Variants in ANKIB1 observed in about 807,000 individuals in gnomAD.
ANKIB1 encodes the protein ankyrin repeat and IBR domain-containing protein 1.
A neutral mutation model predicts 122.1 loss-of-function variants in ANKIB1; 43 were observed. The observed-to-expected ratio is 0.35, with a 90% CI of 0.28 to 0.45. The LOEUF (loss-of-function observed/expected upper bound fraction) is 0.45. Ranked by LOEUF, ANKIB1 falls within the 20% of genes least tolerant of loss-of-function variation. The pLI is 1.00. For synonymous variants in ANKIB1, 390 were observed against 442.0 expected (o/e 0.88, Z 1.48); for missense variants, 992 against 1,329.5 (o/e 0.75, Z 3.95).
At chr7:92,317,834 A>G (rs1457632680) in intron 3 of ANKIB1, among the ~76,000 whole-genome samples, 1 of 151,570 alleles carries the variant, frequency 6.6e-6, no homozygotes, top group Non-Finnish European at 1.5e-5. Context: ...AGAAAATAAA[A>G]AGAAGCTACC....
intron 1 of ANKIB1, among the ~76,000 whole-genome samples, chr7:92,255,647 C>T (rs1306363722): frequency 1.3e-5 from 2 of 152,056 alleles, no homozygotes; most frequent in African/African-American, 2.4e-5. Flanking sequence ...ATAACAAGTT[C>T]TTATGAAATA....
intron 1 of ANKIB1, among the ~76,000 whole-genome samples, chr7:92,271,885 G>C (rs988766332): frequency 9.2e-5 from 14 of 152,146 alleles, no homozygotes; most frequent in Non-Finnish European, 2.1e-4. Context: ...AAATGAAATG[G>C]ACAGGCAGGA....
chr7:92,294,768 G>A (rs1802317002), intron 1 of ANKIB1, 121 bp from the exon 2 acceptor site: 1 of 454,282 alleles, frequency 2.2e-6, no homozygotes, highest in Non-Finnish European at 3.8e-6. Flanking sequence ...TTGGTAAAAT[G>A]TAATATAGTT....
intron 1 of ANKIB1, among the ~76,000 whole-genome samples, chr7:92,285,140 T>C (rs1802093530): frequency 1.3e-5 from 2 of 152,152 alleles, no homozygotes; most frequent in South Asian, 4.1e-4. Flanking sequence ...CTATCTCGGC[T>C]CACTGCAACC....
chr7:92,392,563 C>A (rs1804807043), intron 17 of ANKIB1, among the ~76,000 whole-genome samples: 1 of 151,994 alleles, frequency 6.6e-6, no homozygotes, highest in Non-Finnish European at 1.5e-5. Flanking sequence ...TGGAAAATAT[C>A]TTCTAATTTG....
intron 1 of ANKIB1, among the ~76,000 whole-genome samples, chr7:92,257,535 G>A (rs1248583001): frequency 6.6e-6 from 1 of 152,232 alleles, no homozygotes; most frequent in Non-Finnish European, 1.5e-5. Context: ...GCTCACGCCT[G>A]TAATCCCAAC....
chr7:92,342,007 C>T (rs1803450230), intron 5 of ANKIB1, among the ~76,000 whole-genome samples: 1 of 151,714 alleles, frequency 6.6e-6, no homozygotes, highest in Non-Finnish European at 1.5e-5. Context: ...ATGTCAAAGT[C>T]ATATTTATCC....
At chr7:92,275,817 C>T (rs1024629792) in intron 1 of ANKIB1, among the ~76,000 whole-genome samples, 2 of 152,136 alleles carry the variant, frequency 1.3e-5, no homozygotes, top group Non-Finnish European at 2.9e-5. Flanking sequence ...TACAGTAGCC[C>T]TTGCTGGTTG....
At chr7:92,251,592 A>G (rs1047846236) in intron 1 of ANKIB1, among the ~76,000 whole-genome samples, 3 of 152,188 alleles carry the variant, frequency 2.0e-5, no homozygotes, top group Non-Finnish European at 2.9e-5. Context: ...CCTATTGTTA[A>G]TATTTTGCTT....
At chr7:92,384,757 C>A (rs28814600) in intron 11 of ANKIB1, among the ~76,000 whole-genome samples, 14,217 of 151,602 alleles carry the variant, frequency 0.094, 863 homozygotes, top group East Asian at 0.35. Context: ...AAAGACTTAA[C>A]TATTAGACCT....
intron 1 of ANKIB1, among the ~76,000 whole-genome samples, chr7:92,291,748 T>C (rs1053062599): frequency 1.3e-5 from 2 of 151,996 alleles, no homozygotes; most frequent in African/African-American, 4.8e-5. Context: ...GGCTAATTTT[T>C]TGTATTTTTA....
intron 17 of ANKIB1, among the ~76,000 whole-genome samples, chr7:92,392,819 C>G (rs992836379): frequency 2.0e-5 from 3 of 151,792 alleles, no homozygotes; most frequent in Non-Finnish European, 4.4e-5. Flanking sequence ...TTTTTGTTGT[C>G]ATTATTAATA....
intron 11 of ANKIB1, among the ~76,000 whole-genome samples, chr7:92,372,540 A>G (rs1178302368): frequency 6.6e-6 from 1 of 152,216 alleles, no homozygotes; most frequent in East Asian, 1.9e-4. Flanking sequence ...TAGGTCTGCT[A>G]ATAAAACCTT....
intron 19 of ANKIB1, 100 bp downstream of exon 19, chr7:92,397,959 C>T: frequency 6.9e-7 from 1 of 1,442,394 alleles, no homozygotes; most frequent in Non-Finnish European, 9.3e-7. Flanking sequence ...TTCTTCCTTC[C>T]ATTCTAAAAT....
rs765156693 is a variant in ANKIB1 at position 92,398,627 on chromosome 7, A to G, written c.2948A>G (p.Gln983Arg). 1.2e-6 allele frequency: 2 copies of G among 1,613,966 alleles called. No individual in the cohort carries two copies. Among genetic ancestry groups the G allele is most frequent in the South Asian group, 2.2e-5 (2 of 91,076 alleles). ...GCTTGGTTTCATGACATGAACCCTCAGAGTATTGCCCTGATTCCTCCAGCA... is the reference window on the plus strand; with the variant it reads ...GCTTGGTTTCATGACATGAACCCTCGGAGTATTGCCCTGATTCCTCCAGCA... ...IMAWFHDMNP[Q>R]SIALIPPATT... Residue 983 changes from glutamine to arginine, a missense_variant, in exon 20 of 20, where the codon CAG (glutamine) becomes CGG (arginine). Transcript: ENST00000265742.
rs376281537 is a variant in ANKIB1, at chr7:92,295,119, T to C, written c.141T>C (p.Asn47=). Residue 47 remains asparagine, a synonymous_variant, in exon 2 of 20, where the codon AAT becomes AAC. Transcript: ENST00000265742. ...CTTATGGGGAGCCCTACCAGCACAA[T>C]ACTCCATTACATTATGCTGCTAGAC... ...NTSYGEPYQH[N]TPLHYAARHG... 5 of 1,572,216 alleles carry C rather than the reference T, an allele frequency of 3.2e-6. No individual in the cohort carries two copies. In the Admixed American group the frequency reaches 9.4e-5, roughly 29 times the overall value.
intron 5 of ANKIB1, among the ~76,000 whole-genome samples, chr7:92,330,610 A>G (rs1188904640): frequency 2.6e-5 from 4 of 152,108 alleles, no homozygotes; most frequent in Non-Finnish European, 5.9e-5. Context: ...TGGGAGGCCG[A>G]GGTGGGCGGA....
At chr7:92,396,312 G>A in intron 17 of ANKIB1, 53 bp from the exon 18 acceptor site, 1 of 987,160 alleles carries the variant, frequency 1.0e-6, no homozygotes, top group South Asian at 1.4e-5. Flanking sequence ...TGTTTTATTT[G>A]CATTTTAAAA....
At chr7:92,363,097 C>G (rs1803987935) in intron 10 of ANKIB1, among the ~76,000 whole-genome samples, 2 of 151,080 alleles carry the variant, frequency 1.3e-5, no homozygotes, top group South Asian at 4.2e-4. Flanking sequence ...CTTGAGATGT[C>G]ACAAGTCACC....
Sources: gnomAD v4.1 joint callset for allele counts (sites outside exome capture counted in the v4.1 genomes callset) on GRCh38, gnomAD v4.1.1 for gene constraint, MANE v1.5 for transcripts, NCBI Gene and HGNC (gene_info 2026-07-23, HGNC 2026-07-21) for gene names.